Variants in ASCC3 observed in about 807,000 individuals in gnomAD.
ASCC3 encodes the protein ASC-1 complex subunit P200.
A neutral mutation model predicts 256.3 loss-of-function variants in ASCC3; 158 were observed. That is an observed-to-expected ratio of 0.62 (90% confidence interval 0.54 to 0.70). The LOEUF is 0.70. Ranked by LOEUF, ASCC3 falls within the 30% of genes least tolerant of loss-of-function variation. The probability of loss-of-function intolerance (pLI) is 0.00; values close to 1 mark genes in which losing one functional copy is unlikely to be tolerated. For missense variants in ASCC3, 2,259 were observed against 2,626.0 expected, an observed-to-expected ratio of 0.86 and a Z score of 3.05; for synonymous variants, 948 against 883.4, an observed-to-expected ratio of 1.07 and a Z score of -1.30.
chr6:100,625,541 ATT>A (rs1774186428), intron 29 of ASCC3, among the ~76,000 whole-genome samples: 5 of 152,050 alleles, frequency 3.3e-5, no homozygotes, highest in African/African-American at 4.8e-5. Flanking sequence ...TAGAGAGTAT[ATT>A]GCCTAGGAGA....
intron 19 of ASCC3, 62 bp from the exon 20 acceptor site, chr6:100,650,776 A>G (rs1167541382): frequency 1.6e-6 from 2 of 1,286,128 alleles, no homozygotes; most frequent in African/African-American, 2.9e-5. Context: ...TTTCACATTG[A>G]AATTAAATAC....
intron 36 of ASCC3, among the ~76,000 whole-genome samples, chr6:100,588,492 C>G (rs999029476): frequency 2.0e-5 from 3 of 151,992 alleles, no homozygotes; most frequent in Admixed American, 1.3e-4. Context: ...CTAAAAAATT[C>G]TTTATATTTT....
At chr6:100,757,718 A>G (rs1393215237) in intron 10 of ASCC3, among the ~76,000 whole-genome samples, 4 of 152,202 alleles carry the variant, frequency 2.6e-5, no homozygotes, top group African/African-American at 9.7e-5. Flanking sequence ...AACAGACATC[A>G]GAAGATTCTG....
intron 3 of ASCC3, among the ~76,000 whole-genome samples, chr6:100,855,111 T>G: frequency 1.3e-5 from 1 of 76,348 alleles, no homozygotes; most frequent in East Asian, 2.5e-4. Flanking sequence ...GTCAAGAACC[T>G]TTTTTTTTTT....
intron 11 of ASCC3, among the ~76,000 whole-genome samples, chr6:100,718,679 G>C (rs1779192841): frequency 6.6e-6 from 1 of 152,100 alleles, no homozygotes; most frequent in Non-Finnish European, 1.5e-5. Flanking sequence ...AGGATCACTT[G>C]AGCCCATATG....
intron 36 of ASCC3, among the ~76,000 whole-genome samples, chr6:100,553,469 A>G (rs1262472509): frequency 6.6e-6 from 1 of 152,106 alleles, no homozygotes; most frequent in Non-Finnish European, 1.5e-5. Flanking sequence ...AATGGAGGGC[A>G]GCAAGGTCAG....
chr6:100,806,479 A>C (rs1770189021), intron 4 of ASCC3, among the ~76,000 whole-genome samples: 1 of 152,002 alleles, frequency 6.6e-6, no homozygotes, highest in South Asian at 2.1e-4. Flanking sequence ...TCAGAGTTAG[A>C]GAACCAGTGT....
chr6:100,541,730 C>T (rs1045152010), intron 36 of ASCC3, among the ~76,000 whole-genome samples: 1 of 151,642 alleles, frequency 6.6e-6, no homozygotes, highest in Non-Finnish European at 1.5e-5. Context: ...ATCAACTATG[C>T]AAAAAAACAG....
At chr6:100,797,306 T>C (rs1769668750) in intron 8 of ASCC3, among the ~76,000 whole-genome samples, 1 of 151,604 alleles carries the variant, frequency 6.6e-6, no homozygotes, top group South Asian at 2.1e-4. Flanking sequence ...AAAAATTAGC[T>C]GGGCACAGTG....
rs142077356 is a variant in ASCC3, at chr6:100,701,416, T to C, written c.2151+14046A>G. Among the ~76,000 whole-genome samples, 57 of 152,246 alleles carry C rather than the reference T, an allele frequency of 3.7e-4. 1 individual carries two copies. The highest frequency in any genetic ancestry group is 1.3e-3 in the African/African-American group (56 of 41,574). ...ATGTGACTTGCTCCTCCTTGCCTTT[T>C]GCCATGATTGTGAGGCCTCCCCAGC... On this transcript the variant is annotated intron_variant, in intron 13 of 41. Transcript: ENST00000369162.
rs562856708 is a variant in ASCC3, at chr6:100,517,838, G to A, written c.5927+153C>T. Among the ~76,000 whole-genome samples, 28 of 152,172 alleles carry A rather than the reference G, an allele frequency of 1.8e-4. No individual in the cohort carries two copies. The East Asian group carries it at 5.2e-3, about 28-fold the overall frequency. Reference sequence around the variant, plus strand: ...ATCAAATTCCAAACAAGAATGTTACGTCACTTGGCCATGTCTCACTCTGGG... The same window carrying A: ...ATCAAATTCCAAACAAGAATGTTACATCACTTGGCCATGTCTCACTCTGGG... On this transcript the variant is annotated intron_variant, in intron 38 of 41. Transcript: ENST00000369162.
chr6:100,762,129 T>C (rs1046984503), intron 10 of ASCC3, among the ~76,000 whole-genome samples: 2 of 152,204 alleles, frequency 1.3e-5, no homozygotes, highest in African/African-American at 4.8e-5. Context: ...TTGCAATTGC[T>C]TGGGCCTAAG....
At chr6:100,836,293 T>A (rs932970194) in intron 4 of ASCC3, among the ~76,000 whole-genome samples, 1 of 151,666 alleles carries the variant, frequency 6.6e-6, no homozygotes, top group East Asian at 1.9e-4. Context: ...CTATGTTGAA[T>A]AGAAGTGGCA....
chr6:100,851,764 G>A (rs1201819453), intron 3 of ASCC3, among the ~76,000 whole-genome samples: 2 of 152,080 alleles, frequency 1.3e-5, no homozygotes, highest in African/African-American at 4.8e-5. Context: ...TATGCCTTAC[G>A]GTTCTGGGAG....
intron 20 of ASCC3, among the ~76,000 whole-genome samples, chr6:100,649,216 T>C (rs1223740434): frequency 1.3e-5 from 2 of 151,790 alleles, no homozygotes; most frequent in African/African-American, 2.4e-5. Context: ...AAGTTTTACA[T>C]TGTAAGCAAT....
rs759827972 is a variant in ASCC3 at position 100,859,218 on chromosome 6, C to T, written c.241+4846G>A. 5.1e-6 allele frequency: 4 copies of T among 779,604 alleles called. No homozygotes were observed. In the South Asian group the frequency reaches 5.4e-5, roughly 10 times the overall value. The allele number at this position is 779,604 out of a possible 1,614,324, so 48.3% of individuals were successfully genotyped here. On this transcript the variant is annotated intron_variant, in intron 3 of 41. Coordinates refer to ENST00000369162, the MANE Select transcript of ASCC3 (RefSeq NM_006828.4). Reference sequence around the variant, plus strand: ...CAATTCACTTCTAGGAAAAAGTAGCCCAAATGCCAGGATCACATTTTCTGG... The same window carrying T: ...CAATTCACTTCTAGGAAAAAGTAGCTCAAATGCCAGGATCACATTTTCTGG...
At chr6:100,581,191 C>T (rs1284489342) in intron 36 of ASCC3, among the ~76,000 whole-genome samples, 5 of 152,188 alleles carry the variant, frequency 3.3e-5, no homozygotes, top group African/African-American at 1.2e-4. Flanking sequence ...ACTTTACAGT[C>T]CCACCAACAG....
intron 36 of ASCC3, among the ~76,000 whole-genome samples, chr6:100,583,353 G>C (rs1364114885): frequency 6.6e-6 from 1 of 152,182 alleles, no homozygotes; most frequent in Non-Finnish European, 1.5e-5. Flanking sequence ...ATTTCTTCTA[G>C]ATTTTTGAGT....
In ASCC3 at chr6:100,608,210, C is replaced by T. The variant is rs1562161643; in HGVS notation, c.4786-1122G>A. Reference sequence around the variant, plus strand: ...TGTATATATATACTTTATATATATACTTTATATATATACTTTATATACTTT... The same window carrying T: ...TGTATATATATACTTTATATATATATTTTATATATATACTTTATATACTTT... On this transcript the variant is annotated intron_variant, in intron 30 of 41. Coordinates refer to ENST00000369162, the MANE Select transcript of ASCC3 (RefSeq NM_006828.4). 7.9e-4 allele frequency among the ~76,000 whole-genome samples: 39 copies of T among 49,430 alleles called. 4 individuals carry two copies. Among genetic ancestry groups the T allele is most frequent in the African/African-American group, 2.6e-3 (27 of 10,454 alleles). The allele number at this position is 49,430 out of a possible 152,430, so 32.4% of individuals were successfully genotyped here. A position where few individuals can be genotyped will look rare whatever the true frequency, so the allele number is the denominator to read the frequency against.
Sources: allele counts gnomAD v4.1 joint callset (sites outside exome capture counted in the v4.1 genomes callset), GRCh38; gene constraint gnomAD v4.1.1; transcripts MANE v1.5; gene names NCBI Gene and HGNC (gene_info 2026-07-23, HGNC 2026-07-21).